RABGAP1L: variants seen among roughly 807,000 people sequenced by gnomAD.
RABGAP1L encodes rab GTPase-activating protein 1-like.
In RABGAP1L, 63 loss-of-function variants were observed where a neutral mutation model predicts 137.7. That is an observed-to-expected ratio of 0.46 (90% CI 0.37 to 0.56). The LOEUF (loss-of-function observed/expected upper bound fraction) is 0.56, where lower values mean the gene tolerates loss of function less well. Ranked by LOEUF, RABGAP1L falls within the 20% of genes least tolerant of loss-of-function variation. RABGAP1L has a pLI of 0.00. For synonymous variants in RABGAP1L, 431 were observed against 433.7 expected, an observed-to-expected ratio of 0.99 and a Z score of 0.08; for missense variants, 1,095 against 1,244.0, an observed-to-expected ratio of 0.88 and a Z score of 1.80.
chr1:174,655,827 T>G (rs932869064), intron 14 of RABGAP1L, among the ~76,000 whole-genome samples: 1 of 152,192 alleles, frequency 6.6e-6, no homozygotes, highest in Non-Finnish European at 1.5e-5. Flanking sequence ...TCAAGCTGGT[T>G]TCTGTGTCCT....
chr1:174,849,659 T>G (rs1438402854), intron 19 of RABGAP1L: 10 of 404,978 alleles, frequency 2.5e-5, no homozygotes, highest in South Asian at 1.9e-4. Flanking sequence ...AGGAATTTGT[T>G]GTGATTTTCT....
At chr1:174,949,646 G>C (rs933404998) in intron 19 of RABGAP1L, among the ~76,000 whole-genome samples, 1 of 152,160 alleles carries the variant, frequency 6.6e-6, no homozygotes, top group Non-Finnish European at 1.5e-5. Context: ...GGATATGCAG[G>C]CTAAGCTTAG....
intron 19 of RABGAP1L, among the ~76,000 whole-genome samples, chr1:174,874,826 T>C (rs1024121665): frequency 1.3e-5 from 2 of 152,094 alleles, no homozygotes; most frequent in Non-Finnish European, 2.9e-5. Flanking sequence ...TCAAAGAGTA[T>C]GTTTTTCGTT....
At chr1:174,228,054 G>C (rs965505724) in intron 3 of RABGAP1L, among the ~76,000 whole-genome samples, 4 of 151,802 alleles carry the variant, frequency 2.6e-5, no homozygotes, top group African/African-American at 9.7e-5. Flanking sequence ...TGCAGATCTT[G>C]TATTTTTTCA....
chr1:174,225,253 T>A (rs966756389), intron 3 of RABGAP1L, among the ~76,000 whole-genome samples: 1 of 152,126 alleles, frequency 6.6e-6, no homozygotes, highest in Non-Finnish European at 1.5e-5. Flanking sequence ...CATTGTTTTT[T>A]AAAGTTTTTT....
At chr1:174,816,917 T>G (rs2987871) in intron 19 of RABGAP1L, among the ~76,000 whole-genome samples, 134,039 of 152,092 alleles carry the variant, frequency 0.88, 61,568 homozygotes, top group East Asian at 1. Flanking sequence ...TTTTAGTAGA[T>G]TCAGGGTTTC....
intron 25 of RABGAP1L, among the ~76,000 whole-genome samples, chr1:174,989,418 G>A (rs1471830342): frequency 6.6e-6 from 1 of 152,174 alleles, no homozygotes; most frequent in Non-Finnish European, 1.5e-5. Flanking sequence ...ACACCAGCCA[G>A]CTTCCACCAT....
chr1:174,739,706 C>G (rs1232649872), intron 17 of RABGAP1L, among the ~76,000 whole-genome samples: 4 of 152,196 alleles, frequency 2.6e-5, no homozygotes, highest in Non-Finnish European at 5.9e-5. Flanking sequence ...GGAAACTTGT[C>G]ATTCCAGTCT....
chr1:174,892,621 C>T (rs1009614794), intron 19 of RABGAP1L: 1 of 533,662 alleles, frequency 1.9e-6, no homozygotes, highest in South Asian at 1.4e-5. Flanking sequence ...TTGGCCTGTA[C>T]ATTTTCTTAT....
At chr1:174,733,692 T>C (rs1682698929) in intron 17 of RABGAP1L, among the ~76,000 whole-genome samples, 1 of 152,228 alleles carries the variant, frequency 6.6e-6, no homozygotes, top group African/African-American at 2.4e-5. Flanking sequence ...TCAGTCCAAA[T>C]TTCTGACCTA....
chr1:174,542,671 T>C (rs1233182116), intron 13 of RABGAP1L, among the ~76,000 whole-genome samples: 4 of 152,228 alleles, frequency 2.6e-5, no homozygotes, highest in Admixed American at 2.6e-4. Flanking sequence ...CTCTAGTTCT[T>C]TTAATTGTGA....
intron 13 of RABGAP1L, among the ~76,000 whole-genome samples, chr1:174,560,568 C>T (rs1472359227): frequency 6.6e-6 from 1 of 152,100 alleles, no homozygotes; most frequent in Non-Finnish European, 1.5e-5. Flanking sequence ...TTACTTTTTT[C>T]AGCTTTTATT....
intron 19 of RABGAP1L, chr1:174,935,297 T>G (rs543305623): frequency 5.3e-4 from 81 of 152,344 alleles, no homozygotes; most frequent in African/African-American, 1.7e-3. Context: ...TGAGTTCTGT[T>G]TTTTCTGAGT....
chr1:174,604,342 A>G lies in RABGAP1L; in HGVS notation c.1711-33033A>G, dbSNP rs143029607. ...ACAGATAGCACTGAGTTCCAAAGCA[A>G]AGTCCCACAATCACTGTCCTCTCCC... is the stretch of plus-strand genomic sequence containing the variant. On this transcript the variant is annotated intron_variant, in intron 13 of 25. Coordinates refer to ENST00000681986, the MANE Select transcript of RABGAP1L (RefSeq NM_001366446.1). 2.0e-5 allele frequency among the ~76,000 whole-genome samples: 3 copies of G among 152,300 alleles called. No individual in the cohort carries two copies. The East Asian group carries it at 5.8e-4, about 29-fold the overall frequency.
intron 11 of RABGAP1L, among the ~76,000 whole-genome samples, chr1:174,322,390 C>A (rs1680075268): frequency 6.6e-6 from 1 of 152,110 alleles, no homozygotes; most frequent in Admixed American, 6.5e-5. Context: ...GAATCAGATA[C>A]TGTCTGGGCA....
At chr1:174,755,339 T>C (rs1684654785) in intron 18 of RABGAP1L, among the ~76,000 whole-genome samples, 1 of 152,206 alleles carries the variant, frequency 6.6e-6, no homozygotes, top group Non-Finnish European at 1.5e-5. Flanking sequence ...CAAATGTAAT[T>C]TATTTACTTA....
chr1:174,634,058 T>C (rs1463324027), intron 13 of RABGAP1L, among the ~76,000 whole-genome samples: 2 of 106,494 alleles, frequency 1.9e-5, no homozygotes, highest in Admixed American at 9.7e-5. Context: ...CTAAAGAGCT[T>C]CTGCACAGCA....
In RABGAP1L at chr1:174,394,034, T is replaced by G. The variant is rs773001507; in HGVS notation, c.1599T>G (p.Thr533=). The change falls in exon 13 of 26, where the codon ACT becomes ACG. Residue 533 remains threonine (T), a synonymous_variant. Transcript: ENST00000681986. ...GTGCACGACCGAAAGGGCTGTCTAC[T>G]CTGGTGAAGAGTGGTGTCCCTGAAG... ...NLGARPKGLS[T]LVKSGVPEAL... is the part of the protein sequence containing the mutation. The G allele has an allele frequency of 1.9e-6, 3 of 1,613,686 alleles. No homozygotes were observed. The African/African-American group carries it at 4.0e-5, about 22-fold the overall frequency.
chr1:174,324,827 G>T (rs542718596), intron 11 of RABGAP1L, among the ~76,000 whole-genome samples: 55 of 152,220 alleles, frequency 3.6e-4, no homozygotes, highest in African/African-American at 1.3e-3. Flanking sequence ...AAACAAGGAG[G>T]TTTAATAAGA....
Sources: gnomAD v4.1 joint callset for allele counts (sites outside exome capture counted in the v4.1 genomes callset) on GRCh38, gnomAD v4.1.1 for gene constraint, MANE v1.5 for transcripts, NCBI Gene and HGNC (gene_info 2026-07-23, HGNC 2026-07-21) for gene names.